Variants in PDE3B observed in about 807,000 individuals in gnomAD.
PDE3B encodes cGMP-inhibited 3',5'-cyclic phosphodiesterase 3B.
A neutral mutation model predicts 116.8 loss-of-function variants in PDE3B; 66 were observed. The ratio of observed to expected loss-of-function variants is 0.56; its 90% confidence interval spans 0.46 to 0.69. PDE3B has a LOEUF of 0.69. Among genes scored for constraint, PDE3B ranks in the 30% least tolerant of loss-of-function variants. PDE3B has a pLI of 0.00. For missense variants in PDE3B, 1,384 were observed against 1,368.1 expected, an observed-to-expected ratio of 1.01 and a Z score of -0.18; for synonymous variants, 595 against 533.6, an observed-to-expected ratio of 1.12 and a Z score of -1.59.
At chr11:14,814,483 C>T (rs1859252020) in intron 5 of PDE3B, among the ~76,000 whole-genome samples, 1 of 151,936 alleles carries the variant, frequency 6.6e-6, no homozygotes, top group Admixed American at 6.6e-5. Context: ...ATTTAAAACA[C>T]CATTTACCAC....
chr11:14,846,229 C>T (rs1247407715), intron 12 of PDE3B, among the ~76,000 whole-genome samples: 2 of 152,080 alleles, frequency 1.3e-5, no homozygotes, highest in African/African-American at 4.8e-5. Flanking sequence ...ATTTCATATC[C>T]AGCCAAACTA....
chr11:14,851,089 C>CT, intron 12 of PDE3B, among the ~76,000 whole-genome samples: 1 of 150,834 alleles, frequency 6.6e-6, no homozygotes. Context: ...TCCCAAAGTG[C>CT]TGGGATTACA....
intron 1 of PDE3B, among the ~76,000 whole-genome samples, chr11:14,716,493 G>A (rs1018477319): frequency 8.6e-5 from 13 of 150,542 alleles, no homozygotes; most frequent in Non-Finnish European, 1.8e-4. Flanking sequence ...AAAGACAGCA[G>A]GAACCTCTGC....
chr11:14,897,122 T>A, the PDE3B span, among the ~76,000 whole-genome samples: 2 of 152,236 alleles, frequency 1.3e-5, no homozygotes, highest in Non-Finnish European at 2.9e-5. Flanking sequence ...TCTCATTAAA[T>A]GAACATCCTT....
At chr11:14,662,105 C>G (rs1295365262) in intron 1 of PDE3B, among the ~76,000 whole-genome samples, 1 of 152,128 alleles carries the variant, frequency 6.6e-6, no homozygotes, top group African/African-American at 2.4e-5. Context: ...TCCTCTGAGA[C>G]AAAACTTCCA....
intron 7 of PDE3B, among the ~76,000 whole-genome samples, chr11:14,823,677 G>T (rs549976609): frequency 2.0e-5 from 3 of 152,314 alleles, no homozygotes; most frequent in South Asian, 4.1e-4. Flanking sequence ...TAGGGGGACT[G>T]CCATCTTTGC....
chr11:14,809,371 T>C (rs867699529), intron 5 of PDE3B, among the ~76,000 whole-genome samples: 49 of 152,238 alleles, frequency 3.2e-4, no homozygotes, highest in African/African-American at 1.2e-3. Flanking sequence ...AAACGTGGCT[T>C]AACCATACAG....
intron 1 of PDE3B, among the ~76,000 whole-genome samples, chr11:14,689,268 G>C (rs1854980517): frequency 6.6e-6 from 1 of 152,172 alleles, no homozygotes; most frequent in South Asian, 2.1e-4. Context: ...GAATTTGTCT[G>C]TTTCTTGGGA....
intron 4 of PDE3B, among the ~76,000 whole-genome samples, chr11:14,791,601 C>G (rs1410972310): frequency 6.6e-6 from 1 of 152,106 alleles, no homozygotes; most frequent in Non-Finnish European, 1.5e-5. Context: ...ATCACTGTGC[C>G]TATACTATTT....
chr11:14,786,448 T>A lies in PDE3B; in HGVS notation c.1041T>A (p.Gly347=), dbSNP rs1265979077. 4 of 1,610,418 alleles carry A rather than the reference T, an allele frequency of 2.5e-6. No homozygotes were observed. Among genetic ancestry groups the A allele is most frequent in the Non-Finnish European group, 3.4e-6 (4 of 1,177,504 alleles). Residue 347 remains glycine, a synonymous_variant, in exon 3 of 16, where the codon GGT becomes GGA. Transcript: ENST00000282096. The part of the protein sequence containing the change: ...WYKPHYQNSG[G]GNGVDLSVLN... ...TTTTTTCTTTCTAGAATTCTGGAGG[T>A]GGAAATGGAGTTGATCTTTCAGTGC...
At chr11:14,692,120 A>G (rs1230122798) in intron 1 of PDE3B, among the ~76,000 whole-genome samples, 1 of 152,056 alleles carries the variant, frequency 6.6e-6, no homozygotes, top group Non-Finnish European at 1.5e-5. Context: ...ATAAATAATT[A>G]AAAATCAGCC....
rs553076199 is a variant in PDE3B at position 14,785,851 on chromosome 11, C to A, written c.1030-586C>A. Among the ~76,000 whole-genome samples the A allele has an allele frequency of 1.4e-4, 21 of 151,896 alleles. No homozygotes were observed. In the South Asian group the frequency reaches 4.2e-3, roughly 30 times the overall value. On this transcript the variant is annotated intron_variant, in intron 2 of 15. Transcript: ENST00000282096. ...TCTTTATTTTTATCTCATCATTTTC[C>A]ATAATATTAATAGTAATAATACTTT...
At chr11:14,705,514 A>G (rs1855504457) in intron 1 of PDE3B, among the ~76,000 whole-genome samples, 1 of 151,786 alleles carries the variant, frequency 6.6e-6, no homozygotes, top group African/African-American at 2.4e-5. Flanking sequence ...GAGGCACATG[A>G]GGTATCTTTT....
intron 12 of PDE3B, among the ~76,000 whole-genome samples, chr11:14,845,501 C>T (rs930411148): frequency 5.3e-5 from 8 of 152,112 alleles, no homozygotes; most frequent in African/African-American, 1.4e-4. Context: ...ATGACTTTGA[C>T]GAGTTGAGAG....
intron 1 of PDE3B, among the ~76,000 whole-genome samples, chr11:14,758,179 C>T (rs1857252304): frequency 2.0e-5 from 3 of 152,064 alleles, no homozygotes; most frequent in Admixed American, 2.0e-4. Flanking sequence ...GATTTGGTAC[C>T]AGTACCATGC....
At chr11:14,891,571 G>C in the PDE3B span, 6 of 1,028,886 alleles carry the variant, frequency 5.8e-6, no homozygotes, top group Non-Finnish European at 7.0e-6. Flanking sequence ...TTGATTTTCC[G>C]ACAAGCCGCG....
Position 14,796,078 on chromosome 11 carries a change from A to G in PDE3B, c.1415+6836A>G, listed in dbSNP as rs1481430679. Reference sequence around the variant, plus strand: ...GTGTGATGTTCCCCTCCCTTTGTCCATGTGTTCTCATTGTTCAACTCCCAC... The same window carrying G: ...GTGTGATGTTCCCCTCCCTTTGTCCGTGTGTTCTCATTGTTCAACTCCCAC... On this transcript the variant is annotated intron_variant, in intron 4 of 15. Transcript: ENST00000282096. Among the ~76,000 whole-genome samples the G allele has an allele frequency of 1.1e-4, 16 of 151,554 alleles. No individual in the cohort carries two copies. In the East Asian group the frequency reaches 2.7e-3, roughly 26 times the overall value.
At chr11:14,759,653 A>G (rs1005550515) in intron 1 of PDE3B, among the ~76,000 whole-genome samples, 1 of 148,508 alleles carries the variant, frequency 6.7e-6, no homozygotes, top group African/African-American at 2.5e-5. Context: ...GGTTCAAGTG[A>G]TTCTTCTGCC....
intron 12 of PDE3B, among the ~76,000 whole-genome samples, chr11:14,848,004 C>G (rs865794957): frequency 3.2e-4 from 48 of 152,038 alleles, no homozygotes; most frequent in African/African-American, 1.1e-3. Flanking sequence ...CAGCATCATC[C>G]TGATACCAAA....
Sources: gnomAD v4.1 joint callset for allele counts (sites outside exome capture counted in the v4.1 genomes callset) on GRCh38, gnomAD v4.1.1 for gene constraint, MANE v1.5 for transcripts, NCBI Gene and HGNC (gene_info 2026-07-23, HGNC 2026-07-21) for gene names.